SMG1: variants seen among roughly 807,000 people sequenced by gnomAD.
SMG1 encodes SMG1 nonsense mediated mRNA decay associated PI3K related kinase.
Under a neutral mutation model 419.9 loss-of-function variants are expected in SMG1, and 22 were observed. The observed-to-expected ratio is 0.05, with a 90% CI of 0.04 to 0.07. SMG1 has a LOEUF of 0.07. Among genes scored for constraint, SMG1 ranks in the 10% least tolerant of loss-of-function variants. The probability of loss-of-function intolerance (pLI) is 1.00; values close to 1 mark genes in which losing one functional copy is unlikely to be tolerated. For missense variants in SMG1, 3,185 were observed against 4,342.0 expected (o/e 0.73, Z 7.49); for synonymous variants, 1,538 against 1,553.5 (o/e 0.99, Z 0.23).
intron 16 of SMG1, among the ~76,000 whole-genome samples, 162 bp downstream of exon 16, chr16:18,871,202 C>T (rs951178041): frequency 6.6e-6 from 1 of 151,630 alleles, no homozygotes; most frequent in African/African-American, 2.4e-5. Context: ...TTTTCTAATA[C>T]TAAGAATGAA....
chr16:18,921,109 G>C (rs1212371612), intron 1 of SMG1, among the ~76,000 whole-genome samples: 1 of 147,740 alleles, frequency 6.8e-6, no homozygotes, highest in African/African-American at 2.5e-5. Context: ...CTATACTCCA[G>C]CCTGGGCGAC....
chr16:18,852,234 T>G, intron 32 of SMG1, 29 bp from the exon 33 acceptor site: 2 of 1,608,464 alleles, frequency 1.2e-6, no homozygotes, highest in Non-Finnish European at 1.7e-6. Flanking sequence ...CATCAGTATT[T>G]CAGCTACCCA....
At chr16:18,858,914 G>T in intron 28 of SMG1, 108 bp downstream of exon 28, 3 of 808,370 alleles carry the variant, frequency 3.7e-6, no homozygotes, top group Non-Finnish European at 5.5e-6. Context: ...GGATCTACTA[G>T]CTTGCCCAGC....
intron 3 of SMG1, among the ~76,000 whole-genome samples, chr16:18,894,502 TATA>T (rs1294282425): frequency 2.0e-5 from 3 of 152,162 alleles, no homozygotes; most frequent in African/African-American, 7.2e-5. Context: ...GTTTAGCTTC[TATA>T]ATATCATAAG....
rs944493415 is a variant in SMG1 at position 18,829,631 on chromosome 16, T to C, written c.9258A>G (p.Thr3086=). 1 of 1,614,040 alleles carries C rather than the reference T, an allele frequency of 6.2e-7. No homozygotes were observed. Among genetic ancestry groups the C allele is most frequent in the African/African-American group, 1.3e-5 (1 of 75,066 alleles). The part of the protein sequence containing the change: ...DQMAKPIKAF[T]ADFVRQLLIG... ...TCAAGAGCTGCCTCACAAAGTCAGC[T>C]GTGAATGCCTTGATAGGTTTGGCCA... is the stretch of plus-strand genomic sequence containing the variant. The change falls in exon 54 of 63, where the codon ACA becomes ACG. Residue 3086 remains threonine, a synonymous_variant. Transcript: ENST00000446231.
intron 3 of SMG1, among the ~76,000 whole-genome samples, chr16:18,894,316 T>C (rs140738451): frequency 6.6e-6 from 1 of 152,202 alleles, no homozygotes; most frequent in Non-Finnish European, 1.5e-5. Flanking sequence ...GAGAGAAGAA[T>C]AGGGTTTTTA....
At chr16:18,908,676 A>G (rs542573962) in intron 1 of SMG1, among the ~76,000 whole-genome samples, 162 of 151,378 alleles carry the variant, frequency 1.1e-3, no homozygotes, top group Non-Finnish European at 1.8e-3. Context: ...TCAGGAGATC[A>G]AGACCATCCT....
At chr16:18,879,864 T>C (rs1336021470) in intron 10 of SMG1, 145 bp from the exon 11 acceptor site, 15 of 764,826 alleles carry the variant, frequency 2.0e-5, no homozygotes, top group African/African-American at 3.5e-5. Context: ...TTCTCAGTAG[T>C]TGAATAATAA....
intron 41 of SMG1, among the ~76,000 whole-genome samples, chr16:18,840,279 T>C (rs1282283824): frequency 6.6e-6 from 1 of 152,242 alleles, no homozygotes; most frequent in African/African-American, 2.4e-5. Flanking sequence ...TCATAATTTA[T>C]GCACATACTT....
At chr16:18,814,787 C>T (rs373178986) in intron 60 of SMG1, among the ~76,000 whole-genome samples, 1 of 150,798 alleles carries the variant, frequency 6.6e-6, no homozygotes, top group African/African-American at 2.4e-5. Flanking sequence ...CATGTTGGCC[C>T]GACTGGTCTC....
At chr16:18,830,884 G>A (rs1440779798) in intron 51 of SMG1, among the ~76,000 whole-genome samples, 1 of 152,168 alleles carries the variant, frequency 6.6e-6, no homozygotes, top group Non-Finnish European at 1.5e-5. Context: ...ATTAATGACT[G>A]TTATGTGATT....
intron 51 of SMG1, among the ~76,000 whole-genome samples, chr16:18,831,207 G>C (rs528281946): frequency 1.3e-5 from 2 of 152,112 alleles, no homozygotes; most frequent in South Asian, 2.1e-4. Context: ...CACACACACA[G>C]AAACCATTCC....
chr16:18,812,633 T>C (rs12447894), intron 60 of SMG1, among the ~76,000 whole-genome samples: 15,064 of 132,604 alleles, frequency 0.11, 840 homozygotes, highest in Middle Eastern at 0.18. Flanking sequence ...TATATACACA[T>C]ATATATACAC....
intron 36 of SMG1, 78 bp from the exon 37 acceptor site, chr16:18,848,111 TA>T (rs2034372207): frequency 8.2e-7 from 1 of 1,220,530 alleles, no homozygotes; most frequent in East Asian, 2.4e-5. Context: ...AAAACACTGA[TA>T]ATCTATTTGA....
At chr16:18,919,623 C>CA (rs549001300) in intron 1 of SMG1, among the ~76,000 whole-genome samples, 13,350 of 116,662 alleles carry the variant, frequency 0.11, 813 homozygotes, top group Middle Eastern at 0.23. Context: ...CACTCCGTCT[C>CA]AAAAAAAAAA....
At chr16:18,897,351 G>C (rs1432453573) in intron 1 of SMG1, among the ~76,000 whole-genome samples, 3 of 152,152 alleles carry the variant, frequency 2.0e-5, no homozygotes, top group African/African-American at 7.2e-5. Context: ...CCCCCATGGA[G>C]AGGGTTAATC....
At position 18,806,487 on chromosome 16, in the gene SMG1, AACTAC is replaced by A. The variant is rs2030848310; in HGVS notation, c.*3077_*3081del. 6.6e-6 allele frequency: 1 copy of A among 152,390 alleles called. No individual in the cohort carries two copies. The highest frequency in any genetic ancestry group is 1.5e-5 in the Non-Finnish European group (1 of 68,026). The allele number at this position is 152,390 out of a possible 1,614,324, so 9.4% of individuals were successfully genotyped here. On this transcript the variant is annotated 3_prime_UTR_variant, in exon 63 of 63. Transcript: ENST00000446231. Reference sequence around the variant, plus strand: ...AAAGAATCTTAATAATCATCTAGCAAACTACACTAAGAACTCAATGACCAAAAATA... The same window carrying A: ...AAAGAATCTTAATAATCATCTAGCAAACTAAGAACTCAATGACCAAAAATA...
chr16:18,833,265 A>G lies in SMG1; in HGVS notation c.8566-99T>C, dbSNP rs2033332021. The G allele has an allele frequency of 6.6e-6, 5 of 755,362 alleles. No homozygotes were observed. The East Asian group carries it at 1.4e-4, about 21-fold the overall frequency. 46.8% of individuals were successfully genotyped at this position (755,362 alleles called of 1,614,324 possible). On this transcript the variant is annotated intron_variant, in intron 50 of 62. Transcript: ENST00000446231. ...CATACATTAAGAGCAAACTTATGTA[A>G]CTATGCCATCAACTCATTCATGTAA...
intron 15 of SMG1, among the ~76,000 whole-genome samples, chr16:18,871,959 G>C (rs921460191): frequency 6.6e-6 from 1 of 151,850 alleles, no homozygotes; most frequent in Admixed American, 6.6e-5. Flanking sequence ...ACACTGGGGG[G>C]TGGGGGAGTG....
Sources: gnomAD v4.1 joint callset for allele counts (sites outside exome capture counted in the v4.1 genomes callset) on GRCh38, gnomAD v4.1.1 for gene constraint, MANE v1.5 for transcripts, NCBI Gene and HGNC (gene_info 2026-07-23, HGNC 2026-07-21) for gene names.